The following DENND5A variants were observed in gnomAD, a reference collection of about 807,000 sequenced individuals.
DENND5A encodes DENN domain containing 5A.
Under a neutral mutation model 140.3 loss-of-function variants are expected in DENND5A, and 64 were observed. The observed-to-expected ratio is 0.46, with a 90% CI of 0.37 to 0.56. The LOEUF (loss-of-function observed/expected upper bound fraction) is 0.56. DENND5A is among the 20% of genes least tolerant of loss of function. The pLI is 0.00. For synonymous variants in DENND5A, 605 were observed against 607.7 expected, an observed-to-expected ratio of 1.00 and a Z score of 0.07; for missense variants, 1,292 against 1,593.8, an observed-to-expected ratio of 0.81 and a Z score of 3.22.
chr11:9,180,228 G>A (rs1251000710), intron 6 of DENND5A, among the ~76,000 whole-genome samples: 2 of 152,052 alleles, frequency 1.3e-5, no homozygotes, highest in Non-Finnish European at 2.9e-5. Flanking sequence ...CAAGGCTGGA[G>A]GACTGCTTGA....
rs962794688 is a variant in DENND5A at position 9,233,242 on chromosome 11, T to C, written c.110-25610A>G. Among the ~76,000 whole-genome samples, 5 of 151,928 alleles carry C rather than the reference T, an allele frequency of 3.3e-5. No homozygotes were observed. The South Asian group carries it at 8.3e-4, about 25-fold the overall frequency. On this transcript the variant is annotated intron_variant, in intron 1 of 22. Coordinates refer to ENST00000328194, the MANE Select transcript of DENND5A (RefSeq NM_015213.4). ...CGTGAAACCTCGCCTCTACTAAAAA[T>C]ACAAAAATTAACTGGACATGGTGGT...
intron 1 of DENND5A, among the ~76,000 whole-genome samples, chr11:9,239,816 T>C (rs965491568): frequency 9.2e-5 from 14 of 152,126 alleles, no homozygotes; most frequent in African/African-American, 2.9e-4. Context: ...ATGACCTTCA[T>C]GTTTCTTTCC....
At chr11:9,253,830 C>T (rs1004457111) in intron 1 of DENND5A, among the ~76,000 whole-genome samples, 2 of 151,570 alleles carry the variant, frequency 1.3e-5, no homozygotes, top group African/African-American at 4.9e-5. Flanking sequence ...CACACCACTG[C>T]ACTTTGGCCT....
chr11:9,244,314 G>T (rs1158088908), intron 1 of DENND5A, among the ~76,000 whole-genome samples: 4 of 152,102 alleles, frequency 2.6e-5, no homozygotes, highest in Non-Finnish European at 5.9e-5. Context: ...TAGGCCATGA[G>T]AGCTGCTCCC....
chr11:9,192,620 T>G (rs1388384611), intron 5 of DENND5A, among the ~76,000 whole-genome samples: 1 of 148,456 alleles, frequency 6.7e-6, no homozygotes, highest in East Asian at 2.0e-4. Flanking sequence ...AGTGCGAGAC[T>G]TCGTCTCAAA....
chr11:9,212,264 G>A (rs1448672434), intron 1 of DENND5A, among the ~76,000 whole-genome samples: 1 of 152,144 alleles, frequency 6.6e-6, no homozygotes, highest in Non-Finnish European at 1.5e-5. Flanking sequence ...GGCAGCAGGA[G>A]AGAGGACCTC....
intron 1 of DENND5A, among the ~76,000 whole-genome samples, chr11:9,220,151 A>C (rs1476560312): frequency 6.6e-6 from 1 of 152,242 alleles, no homozygotes; most frequent in Non-Finnish European, 1.5e-5. Context: ...AAAGCAGGAC[A>C]AAGAACACTA....
In DENND5A at chr11:9,263,568, C is replaced by A. The variant is rs569044696; in HGVS notation, c.109+1393G>T. Reference sequence around the variant, plus strand: ...TTTTCATAAGAAACACTGGGCCGGGCGCGGTGGCTCACGCCTGTAATCCCA... The same window carrying A: ...TTTTCATAAGAAACACTGGGCCGGGAGCGGTGGCTCACGCCTGTAATCCCA... On this transcript the variant is annotated intron_variant, in intron 1 of 22. Coordinates refer to ENST00000328194, the MANE Select transcript of DENND5A (RefSeq NM_015213.4). Among the ~76,000 whole-genome samples the A allele has an allele frequency of 6.2e-5, 9 of 146,020 alleles. No homozygotes were observed. In the South Asian group the frequency reaches 1.8e-3, roughly 30 times the overall value.
intron 1 of DENND5A, among the ~76,000 whole-genome samples, chr11:9,243,959 G>A (rs1024749583): frequency 6.6e-6 from 1 of 152,160 alleles, no homozygotes; most frequent in Non-Finnish European, 1.5e-5. Flanking sequence ...TGAGACTACA[G>A]TATATAATAC....
intron 1 of DENND5A, among the ~76,000 whole-genome samples, chr11:9,226,691 C>A (rs1396295132): frequency 6.6e-6 from 1 of 152,026 alleles, no homozygotes; most frequent in African/African-American, 2.4e-5. Flanking sequence ...GTGGCAAAAA[C>A]CAAACTGACC....
chr11:9,258,353 A>C (rs1047294780), intron 1 of DENND5A, among the ~76,000 whole-genome samples: 1 of 120,830 alleles, frequency 8.3e-6, no homozygotes, highest in African/African-American at 3.2e-5. Context: ...TTCAACTCCC[A>C]CTTATGAGTG....
rs535591516 is a variant in DENND5A, at chr11:9,220,340, G to A, written c.110-12708C>T. On this transcript the variant is annotated intron_variant, in intron 1 of 22. Transcript: ENST00000328194. Reference sequence around the variant, plus strand: ...ACGCGGGCAGATCACCTGAGGTCAGGAGTTCAAGACCAGTCTGACCAACAT... The same window carrying A: ...ACGCGGGCAGATCACCTGAGGTCAGAAGTTCAAGACCAGTCTGACCAACAT... 3.7e-4 allele frequency among the ~76,000 whole-genome samples: 56 copies of A among 152,192 alleles called. No homozygotes were observed. The South Asian group carries it at 3.9e-3, about 11-fold the overall frequency.
rs150926760 is a variant in DENND5A at position 9,216,703 on chromosome 11, G to A, written c.110-9071C>T. On this transcript the variant is annotated intron_variant, in intron 1 of 22. Coordinates refer to ENST00000328194, the MANE Select transcript of DENND5A (RefSeq NM_015213.4). ...GAGGATGGCTTGAGGCCAGGAGCTC[G>A]GAACCAACCTGGACAATGTAACGAG... Among the ~76,000 whole-genome samples the A allele has an allele frequency of 2.2e-3, 340 of 152,208 alleles. 2 individuals are homozygous for A. The highest frequency in any genetic ancestry group is 0.01 in the Middle Eastern group (3 of 294).
intron 1 of DENND5A, among the ~76,000 whole-genome samples, chr11:9,237,279 G>T (rs1851043326): frequency 1.3e-5 from 2 of 152,046 alleles, no homozygotes; most frequent in South Asian, 2.1e-4. Context: ...TTAGCCAGGG[G>T]TGTGGTGGCA....
intron 18 of DENND5A, 68 bp from the exon 19 acceptor site, chr11:9,144,346 A>G: frequency 1.3e-6 from 2 of 1,516,420 alleles, no homozygotes; most frequent in South Asian, 1.1e-5. Flanking sequence ...AGAGCCATCA[A>G]CAAAGCCAAT....
At chr11:9,252,295 CAAA>C (rs11422899) in intron 1 of DENND5A, among the ~76,000 whole-genome samples, 2 of 69,030 alleles carry the variant, frequency 2.9e-5, no homozygotes. Flanking sequence ...GACTCCGTCT[CAAA>C]AAAAAAAAAA....
At chr11:9,211,433 TAATAA>T (rs1849874747) in intron 1 of DENND5A, among the ~76,000 whole-genome samples, 1 of 151,842 alleles carries the variant, frequency 6.6e-6, no homozygotes, top group South Asian at 2.1e-4. Flanking sequence ...ACAATAATAA[TAATAA>T]AATAAAAAAA....
Position 9,147,151 on chromosome 11 carries a change from T to C in DENND5A, c.2736A>G (p.Lys912=). The change falls in exon 16 of 23, where the codon AAA becomes AAG. Residue 912 remains lysine (K), a splice_region_variant and synonymous_variant. Transcript: ENST00000328194. The stretch of plus-strand genomic sequence containing the variant: ...GGAAGGCATAGCGCTTATATAACTT[T>C]CTGTTGGAGAGGAGGTAATACATCA... The part of the protein sequence containing the change: ...KQLLSDHELT[K]KLYKRYAFLR... 1 of 1,613,954 alleles carries C rather than the reference T, an allele frequency of 6.2e-7. No individual in the cohort carries two copies. The highest frequency in any genetic ancestry group is 8.5e-7 in the Non-Finnish European group (1 of 1,179,920).
intron 1 of DENND5A, among the ~76,000 whole-genome samples, chr11:9,240,080 C>A (rs924723917): frequency 4.6e-5 from 7 of 152,150 alleles, no homozygotes; most frequent in African/African-American, 1.7e-4. Flanking sequence ...CTCTCTTGAA[C>A]CCCAACAACA....
Sources: allele counts gnomAD v4.1 joint callset (sites outside exome capture counted in the v4.1 genomes callset), GRCh38; gene constraint gnomAD v4.1.1; transcripts MANE v1.5; gene names NCBI Gene and HGNC (gene_info 2026-07-23, HGNC 2026-07-21).